The following TCTN2 variants were observed in gnomAD, a reference collection of about 807,000 sequenced individuals.
The protein encoded by TCTN2 is tectonic-2.
A neutral mutation model predicts 83.4 loss-of-function variants in TCTN2; 66 were observed. That is an observed-to-expected ratio of 0.79 (90% CI 0.65 to 0.97). The LOEUF is 0.97. Among genes scored for constraint, TCTN2 ranks in the 50% least tolerant of loss-of-function variants. The pLI is 0.00. For missense variants in TCTN2, 794 were observed against 858.1 expected, an observed-to-expected ratio of 0.93 and a Z score of 0.93; for synonymous variants, 301 against 326.7, an observed-to-expected ratio of 0.92 and a Z score of 0.85.
At chr12:123,707,520 G>A (rs912477568) in intron 17 of TCTN2, 84 bp from the exon 18 acceptor site, 1 of 1,310,518 alleles carries the variant, frequency 7.6e-7, no homozygotes, top group Non-Finnish European at 1.1e-6. Flanking sequence ...TTACAGGAGT[G>A]AGCCACCACA....
intron 5 of TCTN2, among the ~76,000 whole-genome samples, chr12:123,684,602 G>A (rs1180632067): frequency 6.6e-6 from 1 of 151,682 alleles, no homozygotes; most frequent in Non-Finnish European, 1.5e-5. Flanking sequence ...GTTTTGCCAT[G>A]TTCACCAGGC....
chr12:123,695,372 A>G, intron 11 of TCTN2, 75 bp downstream of exon 11: 1 of 974,662 alleles, frequency 1.0e-6, no homozygotes, highest in Non-Finnish European at 1.7e-6. Context: ...CAGGATGGTT[A>G]TAAGTAACTC....
At position 123,696,411 on chromosome 12, in the gene TCTN2, C is replaced by T; in HGVS notation, c.1313-4C>T. 3 of 1,613,574 alleles carry T rather than the reference C, an allele frequency of 1.9e-6. No individual in the cohort carries two copies. Among genetic ancestry groups the T allele is most frequent in the Non-Finnish European group, 2.5e-6 (3 of 1,179,524 alleles). ...GCTCACGTTCCTTTGTTGTGTTTGT[C>T]TAGGTTACCAACTTGGCAAGCCTGT... On this transcript the variant is annotated splice_polypyrimidine_tract_variant and splice_region_variant and intron_variant, in intron 11 of 17. Coordinates refer to ENST00000303372, the MANE Select transcript of TCTN2 (RefSeq NM_024809.5).
chr12:123,679,273 G>A lies in TCTN2; in HGVS notation c.548G>A (p.Arg183His), dbSNP rs369164141. The A allele has an allele frequency of 9.3e-6, 15 of 1,613,796 alleles. No individual in the cohort carries two copies. The highest frequency in any genetic ancestry group is 1.7e-4 in the Middle Eastern group (1 of 6,054). Reference protein sequence around the residue: ...CNLTAGACDVRCCCDQECSSN... With the variant: ...CNLTAGACDVHCCCDQECSSN... ...TTAACAGCTGGAGCCTGTGATGTTC[G>A]CTGCTGCTGTGACCAGGTATGTTCT... is the stretch of plus-strand genomic sequence containing the variant. The change falls in exon 5 of 18, where the codon CGC (arginine) becomes CAC (histidine). Residue 183 changes from arginine to histidine, a missense_variant. Transcript: ENST00000303372.
chr12:123,677,551 C>T (rs528493908), intron 4 of TCTN2, among the ~76,000 whole-genome samples: 3 of 152,286 alleles, frequency 2.0e-5, no homozygotes, highest in Non-Finnish European at 2.9e-5. Context: ...GCTGAAATGT[C>T]GTGTAACATA....
chr12:123,695,028 T>C lies in TCTN2; in HGVS notation c.1234+52T>C, dbSNP rs778214161. The C allele has an allele frequency of 6.2e-6, 10 of 1,604,794 alleles. No homozygotes were observed. In the African/African-American group the frequency reaches 8.0e-5, roughly 13 times the overall value. On this transcript the variant is annotated intron_variant, in intron 10 of 17. Coordinates refer to ENST00000303372, the MANE Select transcript of TCTN2 (RefSeq NM_024809.5). ...GCTTTCACTGAAAAGTATTTTTTTTTCCTCTTTTCAAGATTCTCATAATTA... is the reference window on the plus strand; with the variant it reads ...GCTTTCACTGAAAAGTATTTTTTTTCCCTCTTTTCAAGATTCTCATAATTA...
At chr12:123,691,967 T>C (rs1312499266) in intron 8 of TCTN2, among the ~76,000 whole-genome samples, 1 of 152,056 alleles carries the variant, frequency 6.6e-6, no homozygotes, top group Non-Finnish European at 1.5e-5. Context: ...CGATCTCGGC[T>C]CACGGCAACC....
chr12:123,702,779 G>A (rs147198701), intron 14 of TCTN2, among the ~76,000 whole-genome samples: 39 of 152,348 alleles, frequency 2.6e-4, no homozygotes, highest in Middle Eastern at 6.8e-3. Flanking sequence ...GATGAGGTAC[G>A]AAATCAGTGT....
intron 5 of TCTN2, among the ~76,000 whole-genome samples, chr12:123,685,148 G>A (rs1018722110): frequency 2.6e-5 from 4 of 151,816 alleles, no homozygotes; most frequent in African/African-American, 9.7e-5. Context: ...AGGCCACGCT[G>A]TGTCCCATGT....
At chr12:123,687,945 CAG>C (rs1955993756) in intron 6 of TCTN2, 104 bp from the exon 7 acceptor site, 1 of 1,472,464 alleles carries the variant, frequency 6.8e-7, no homozygotes, top group African/African-American at 1.4e-5. Context: ...GCCTGGGTGA[CAG>C]AGTGAGACTC....
At chr12:123,683,669 C>T (rs1955927759) in intron 5 of TCTN2, among the ~76,000 whole-genome samples, 3 of 151,020 alleles carry the variant, frequency 2.0e-5, no homozygotes, top group Admixed American at 1.3e-4. Flanking sequence ...GACGGAGCCT[C>T]GCTCTGTTGC....
intron 14 of TCTN2, among the ~76,000 whole-genome samples, chr12:123,700,873 A>G (rs1208301653): frequency 6.6e-6 from 1 of 152,180 alleles, no homozygotes; most frequent in Non-Finnish European, 1.5e-5. Context: ...GCTGGAGCCT[A>G]GGAGTTTGAG....
chr12:123,685,117 G>A (rs1442576085), intron 5 of TCTN2, among the ~76,000 whole-genome samples: 1 of 151,734 alleles, frequency 6.6e-6, no homozygotes, highest in African/African-American at 2.4e-5. Context: ...TTGTCAAATG[G>A]CCCCTCCTTC....
intron 4 of TCTN2, among the ~76,000 whole-genome samples, chr12:123,677,180 CA>C (rs201726076): frequency 2.0e-5 from 3 of 150,850 alleles, no homozygotes; most frequent in East Asian, 1.9e-4. Flanking sequence ...GACCCTGTCT[CA>C]AAAAAAAATC....
chr12:123,681,642 G>T (rs1955900912), intron 5 of TCTN2, among the ~76,000 whole-genome samples: 1 of 152,084 alleles, frequency 6.6e-6, no homozygotes, highest in African/African-American at 2.4e-5. Flanking sequence ...TCTATTTATT[G>T]GCTAATGGAC....
intron 6 of TCTN2, among the ~76,000 whole-genome samples, chr12:123,687,617 A>G (rs1208041289): frequency 1.3e-5 from 2 of 151,936 alleles, no homozygotes; most frequent in Admixed American, 6.6e-5. Flanking sequence ...GCGCCACTGC[A>G]CTCCAGCCTG....
chr12:123,694,805 G>C (rs375487157), intron 9 of TCTN2, 37 bp from the exon 10 acceptor site: 2 of 1,602,340 alleles, frequency 1.2e-6, no homozygotes. Context: ...GGCTCAAAGA[G>C]GGTCTTTAAT....
intron 14 of TCTN2, among the ~76,000 whole-genome samples, chr12:123,700,440 G>C (rs1469425252): frequency 6.6e-6 from 1 of 151,750 alleles, no homozygotes; most frequent in African/African-American, 2.4e-5. Context: ...TTGTTTGGTT[G>C]GTTTTTTTTG....
chr12:123,674,420 G>A (rs1378488123), intron 4 of TCTN2, among the ~76,000 whole-genome samples: 1 of 151,996 alleles, frequency 6.6e-6, no homozygotes, highest in African/African-American at 2.4e-5. Context: ...ACAGGCTCAC[G>A]CTACCACGCC....
Sources: allele counts gnomAD v4.1 joint callset (sites outside exome capture counted in the v4.1 genomes callset), GRCh38; gene constraint gnomAD v4.1.1; transcripts MANE v1.5; gene names NCBI Gene and HGNC (gene_info 2026-07-23, HGNC 2026-07-21).